The following CACNA1E variants were observed in gnomAD, a reference collection of about 807,000 sequenced individuals.
The protein encoded by CACNA1E is voltage-dependent R-type calcium channel subunit alpha-1E.
A neutral mutation model predicts 259.2 loss-of-function variants in CACNA1E; 40 were observed. The observed-to-expected ratio is 0.15, with a 90% CI of 0.12 to 0.20. CACNA1E has a LOEUF of 0.20. Ranked by LOEUF, CACNA1E falls within the 10% of genes least tolerant of loss-of-function variation. The pLI is 1.00. For synonymous variants in CACNA1E, 1,104 were observed against 1,138.5 expected (o/e 0.97, Z 0.61); for missense variants, 1,874 against 3,040.1 (o/e 0.62, Z 9.02).
intron 6 of CACNA1E, among the ~76,000 whole-genome samples, chr1:181,594,476 G>A (rs960167039): frequency 6.6e-6 from 1 of 152,200 alleles, no homozygotes; most frequent in Non-Finnish European, 1.5e-5. Flanking sequence ...TTGGCTTACT[G>A]CAACCTCCAC....
intron 7 of CACNA1E, among the ~76,000 whole-genome samples, chr1:181,707,560 G>A (rs1179516128): frequency 3.3e-5 from 5 of 152,128 alleles, no homozygotes; most frequent in South Asian, 2.1e-4. Flanking sequence ...AAGCTACATC[G>A]TCATTCTGGG....
At chr1:181,521,239 G>A (rs1215577508) in intron 3 of CACNA1E, among the ~76,000 whole-genome samples, 1 of 152,192 alleles carries the variant, frequency 6.6e-6, no homozygotes, top group Admixed American at 6.5e-5. Context: ...TTACATCACT[G>A]TGGGGGTCCC....
chr1:181,403,946 G>T (rs1165012495), intron 1 of CACNA1E, among the ~76,000 whole-genome samples: 1 of 152,176 alleles, frequency 6.6e-6, no homozygotes, highest in African/African-American at 2.4e-5. Flanking sequence ...TTGCATCTGT[G>T]CAGCACACTG....
intron 18 of CACNA1E, among the ~76,000 whole-genome samples, chr1:181,727,804 C>G (rs957590775): frequency 3.3e-5 from 5 of 152,128 alleles, no homozygotes; most frequent in Non-Finnish European, 5.9e-5. Context: ...TGGCAATGAC[C>G]CTGTCATTGT....
chr1:181,412,794 A>G (rs1186427710), intron 1 of CACNA1E, among the ~76,000 whole-genome samples: 1 of 152,192 alleles, frequency 6.6e-6, no homozygotes, highest in Non-Finnish European at 1.5e-5. Flanking sequence ...AACCTTACCA[A>G]CGCGGCATAT....
At chr1:181,606,886 G>C (rs948783971) in intron 6 of CACNA1E, among the ~76,000 whole-genome samples, 3 of 152,190 alleles carry the variant, frequency 2.0e-5, no homozygotes, top group Non-Finnish European at 4.4e-5. Context: ...TTCCATCTCA[G>C]TGTAAAGGAC....
chr1:181,681,347 T>A (rs1484713471), intron 7 of CACNA1E, among the ~76,000 whole-genome samples: 2 of 152,138 alleles, frequency 1.3e-5, no homozygotes, highest in Non-Finnish European at 2.9e-5. Context: ...CCAAATTAAT[T>A]TCCCCTACCA....
chr1:181,806,987 T>A lies in CACNA1E; in HGVS notation c.*8153T>A, dbSNP rs759740162. The A allele has an allele frequency of 1.3e-5, 2 of 152,066 alleles. No homozygotes were observed. Among genetic ancestry groups the A allele is most frequent in the African/African-American group, 2.4e-5 (1 of 41,394 alleles). 9.4% of individuals were successfully genotyped at this position (152,066 alleles called of 1,614,324 possible). On this transcript the variant is annotated 3_prime_UTR_variant, in exon 48 of 48. Transcript: ENST00000367573. ...AGGACATCCTGGCTCTGAAAGGTTT[T>A]CTTTTGTTAAAAAATGCACTTTGTG...
At chr1:181,463,049 A>C (rs1352318760) in intron 2 of CACNA1E, among the ~76,000 whole-genome samples, 3 of 152,272 alleles carry the variant, frequency 2.0e-5, no homozygotes, top group South Asian at 4.1e-4. Flanking sequence ...ACACATTTCC[A>C]ACTTTTATTA....
chr1:181,670,479 C>A (rs1001806999), intron 7 of CACNA1E, among the ~76,000 whole-genome samples: 1 of 152,132 alleles, frequency 6.6e-6, no homozygotes, highest in African/African-American at 2.4e-5. Context: ...GTTGAAGAAG[C>A]TAACTCTACT....
At chr1:181,425,808 T>G (rs1557994611) in intron 2 of CACNA1E, among the ~76,000 whole-genome samples, 1 of 152,042 alleles carries the variant, frequency 6.6e-6, no homozygotes, top group Non-Finnish European at 1.5e-5. Flanking sequence ...AGGGAGGGAA[T>G]GAAGGCATGC....
At chr1:181,715,427 T>C in intron 9 of CACNA1E, 36 bp downstream of exon 9, 10 of 1,262,202 alleles carry the variant, frequency 7.9e-6, no homozygotes, top group Non-Finnish European at 1.2e-5. Flanking sequence ...TCCAGTTGCA[T>C]TTGCCCCTCT....
intron 6 of CACNA1E, among the ~76,000 whole-genome samples, chr1:181,582,097 C>T (rs1484676075): frequency 6.6e-6 from 1 of 152,200 alleles, no homozygotes; most frequent in Non-Finnish European, 1.5e-5. Flanking sequence ...AGTAGAGGTC[C>T]ATTGCTAACC....
intron 1 of CACNA1E, among the ~76,000 whole-genome samples, chr1:181,351,967 G>A (rs1653076526): frequency 6.6e-6 from 1 of 152,196 alleles, no homozygotes; most frequent in Non-Finnish European, 1.5e-5. Flanking sequence ...AGGAAGAGGA[G>A]GAGGAGGTGA....
intron 1 of CACNA1E, among the ~76,000 whole-genome samples, chr1:181,388,379 G>T (rs377083256): frequency 1.3e-5 from 2 of 152,144 alleles, no homozygotes; most frequent in East Asian, 1.9e-4. Flanking sequence ...GAAAGGCATC[G>T]CTAGGTGATT....
intron 1 of CACNA1E, among the ~76,000 whole-genome samples, chr1:181,322,087 C>A (rs1460997365): frequency 6.6e-6 from 1 of 152,092 alleles, no homozygotes; most frequent in Non-Finnish European, 1.5e-5. Flanking sequence ...CAGCGACTGC[C>A]CTTGGTCTCC....
intron 7 of CACNA1E, among the ~76,000 whole-genome samples, chr1:181,673,938 A>G (rs1377807892): frequency 6.6e-6 from 1 of 152,136 alleles, no homozygotes; most frequent in Non-Finnish European, 1.5e-5. Flanking sequence ...TCCTCAGTGT[A>G]GAGTACCATG....
chr1:181,726,870 T>G (rs944845192), intron 18 of CACNA1E, among the ~76,000 whole-genome samples: 1 of 152,096 alleles, frequency 6.6e-6, no homozygotes, highest in African/African-American at 2.4e-5. Context: ...AGTAATCCCA[T>G]TCAGTCGGTA....
At chr1:181,658,866 A>G (rs1303980373) in intron 7 of CACNA1E, among the ~76,000 whole-genome samples, 1 of 152,062 alleles carries the variant, frequency 6.6e-6, no homozygotes, top group African/African-American at 2.4e-5. Flanking sequence ...GAAGCTCAGC[A>G]CAGTTTGGGG....
Sources: allele counts gnomAD v4.1 joint callset (sites outside exome capture counted in the v4.1 genomes callset), GRCh38; gene constraint gnomAD v4.1.1; transcripts MANE v1.5; gene names NCBI Gene and HGNC (gene_info 2026-07-23, HGNC 2026-07-21).